Variants in WWOX observed in about 807,000 individuals in gnomAD.
WWOX encodes WW domain-containing oxidoreductase.
Under a neutral mutation model 46.2 loss-of-function variants are expected in WWOX, and 69 were observed. That is an observed-to-expected ratio of 1.49 (90% CI 1.23 to 1.82). The LOEUF is 1.82. Ranked by LOEUF, WWOX falls within the 40% of genes most tolerant of loss-of-function variation. WWOX has a pLI of 0.00. For synonymous variants in WWOX, 359 were observed against 202.6 expected, an observed-to-expected ratio of 1.77 and a Z score of -6.56; for missense variants, 919 against 542.6, an observed-to-expected ratio of 1.69 and a Z score of -6.89.
chr16:79,179,155 A>C (rs968196792), intron 8 of WWOX, among the ~76,000 whole-genome samples: 1 of 152,234 alleles, frequency 6.6e-6, no homozygotes, highest in African/African-American at 2.4e-5. Context: ...AAAACCTGGA[A>C]GGGACATAAT....
At chr16:79,194,931 A>G (rs959138416) in intron 8 of WWOX, among the ~76,000 whole-genome samples, 13 of 152,150 alleles carry the variant, frequency 8.5e-5, no homozygotes, top group African/African-American at 3.1e-4. Context: ...AGAACCATGC[A>G]GGCAGAATGA....
intron 8 of WWOX, among the ~76,000 whole-genome samples, chr16:79,140,025 C>G (rs997859887): frequency 6.6e-6 from 1 of 152,218 alleles, no homozygotes; most frequent in African/African-American, 2.4e-5. Context: ...GCTGCGCTGT[C>G]AGCACCATGG....
chr16:79,028,405 C>G (rs185722207), intron 8 of WWOX, among the ~76,000 whole-genome samples: 1 of 151,844 alleles, frequency 6.6e-6, no homozygotes, highest in African/African-American at 2.4e-5. Flanking sequence ...TTCACAGAAA[C>G]ATGAGGCAGT....
At chr16:78,563,465 C>T (rs1160216365) in intron 8 of WWOX, among the ~76,000 whole-genome samples, 1 of 147,134 alleles carries the variant, frequency 6.8e-6, no homozygotes, top group Non-Finnish European at 1.5e-5. Flanking sequence ...AGTATGTGTT[C>T]AGGATACGGG....
intron 8 of WWOX, among the ~76,000 whole-genome samples, chr16:78,811,329 G>T (rs754474828): frequency 2.0e-5 from 3 of 151,994 alleles, no homozygotes; most frequent in Non-Finnish European, 4.4e-5. Flanking sequence ...AAATCACTTC[G>T]GGGAATTATA....
intron 8 of WWOX, among the ~76,000 whole-genome samples, chr16:78,855,455 C>T (rs1431144227): frequency 6.6e-6 from 1 of 152,132 alleles, no homozygotes; most frequent in Non-Finnish European, 1.5e-5. Context: ...AAAGGCACCA[C>T]CTATCTTTTG....
intron 8 of WWOX, among the ~76,000 whole-genome samples, chr16:78,934,992 C>T (rs1443965009): frequency 2.0e-5 from 3 of 152,118 alleles, no homozygotes; most frequent in African/African-American, 7.2e-5. Flanking sequence ...AGCCAACAGA[C>T]ACATGAAAAA....
intron 8 of WWOX, among the ~76,000 whole-genome samples, chr16:78,673,398 T>C (rs1023516286): frequency 2.0e-5 from 3 of 152,164 alleles, no homozygotes; most frequent in African/African-American, 2.4e-5. Context: ...AGCCCAGTTA[T>C]CTTAGCCAAC....
intron 8 of WWOX, among the ~76,000 whole-genome samples, chr16:78,433,777 C>CTT (rs547236644): frequency 0.011 from 893 of 84,392 alleles, 141 homozygotes; most frequent in East Asian, 0.019. Flanking sequence ...TTGGGGATGA[C>CTT]TTTTTTTTTT....
chr16:78,535,953 G>A lies in WWOX; in HGVS notation c.1056+103201G>A, dbSNP rs141286181. On this transcript the variant is annotated intron_variant, in intron 8 of 8. Coordinates refer to ENST00000566780, the MANE Select transcript of WWOX (RefSeq NM_016373.4). ...TGAGGTTCTGCGCACAAAATTCGTT[G>A]CATAGCACCTGATACACACAAAGCT... 9.2e-5 allele frequency among the ~76,000 whole-genome samples: 14 copies of A among 152,294 alleles called. No individual in the cohort carries two copies. The East Asian group carries it at 1.2e-3, about 13-fold the overall frequency.
At position 78,229,464 on chromosome 16, in the gene WWOX, A is replaced by C. The variant is rs894585024; in HGVS notation, c.516+65175A>C. Among the ~76,000 whole-genome samples the C allele has an allele frequency of 3.4e-5, 5 of 146,934 alleles. 1 individual carries two copies. The East Asian group carries it at 7.9e-4, about 23-fold the overall frequency. ...TAGACATTTAGATTTTTTCTGTTTT[A>C]TCTCTCTCTATATGTATATCTGTAT... is the stretch of plus-strand genomic sequence containing the variant. On this transcript the variant is annotated intron_variant, in intron 5 of 8. Transcript: ENST00000566780.
intron 8 of WWOX, among the ~76,000 whole-genome samples, chr16:78,660,612 C>T (rs755077611): frequency 6.6e-6 from 1 of 152,074 alleles, no homozygotes; most frequent in Non-Finnish European, 1.5e-5. Flanking sequence ...CACCAGCTCC[C>T]TACTCACTTG....
chr16:78,377,423 C>T (rs560169416), intron 5 of WWOX, among the ~76,000 whole-genome samples: 3 of 152,224 alleles, frequency 2.0e-5, no homozygotes, highest in South Asian at 2.1e-4. Context: ...AAAGCTTTTA[C>T]GCTTCAACTT....
intron 8 of WWOX, among the ~76,000 whole-genome samples, chr16:79,070,717 A>G (rs761280640): frequency 3.3e-5 from 5 of 152,208 alleles, no homozygotes; most frequent in African/African-American, 7.2e-5. Flanking sequence ...CAGTGGTGCA[A>G]GCTTCAAGTG....
intron 8 of WWOX, among the ~76,000 whole-genome samples, chr16:78,934,527 A>G (rs1173423072): frequency 5.4e-5 from 8 of 149,288 alleles, no homozygotes; most frequent in South Asian, 2.1e-4. Flanking sequence ...AAAAAAAAAA[A>G]AAAAGAAACA....
intron 8 of WWOX, among the ~76,000 whole-genome samples, chr16:78,838,930 A>G (rs1248117454): frequency 6.6e-6 from 1 of 152,132 alleles, no homozygotes; most frequent in African/African-American, 2.4e-5. Flanking sequence ...TGGGAACCAG[A>G]GTGGATTTAA....
intron 8 of WWOX, chr16:78,896,553 C>T (rs937733121): frequency 1.3e-5 from 2 of 152,132 alleles, no homozygotes; most frequent in Non-Finnish European, 2.9e-5. Flanking sequence ...GAAGCAAACG[C>T]ATCATAATGA....
chr16:78,163,408 C>G (rs985826888), intron 4 of WWOX, among the ~76,000 whole-genome samples: 28 of 152,286 alleles, frequency 1.8e-4, no homozygotes, highest in African/African-American at 6.5e-4. Context: ...GGTGTGTTTA[C>G]CGTGGCCCTT....
rs575340407 is a variant in WWOX at position 78,464,118 on chromosome 16, C to G, written c.1056+31366C>G. 1.7e-4 allele frequency among the ~76,000 whole-genome samples: 26 copies of G among 152,184 alleles called. No homozygotes were observed. In the South Asian group the frequency reaches 5.2e-3, roughly 30 times the overall value. Reference sequence around the variant, plus strand: ...CTGGGAAGGGCTCTGACCCATTCATCTGAGAGATGTGGCATGAGGAACACT... The same window carrying G: ...CTGGGAAGGGCTCTGACCCATTCATGTGAGAGATGTGGCATGAGGAACACT... On this transcript the variant is annotated intron_variant, in intron 8 of 8. Transcript: ENST00000566780.
Sources: gnomAD v4.1 joint callset for allele counts (sites outside exome capture counted in the v4.1 genomes callset) on GRCh38, gnomAD v4.1.1 for gene constraint, MANE v1.5 for transcripts, NCBI Gene and HGNC (gene_info 2026-07-23, HGNC 2026-07-21) for gene names.